The following RUFY3 variants were observed in gnomAD, a reference collection of about 807,000 sequenced individuals.
The protein encoded by RUFY3 is RUN and FYVE domain containing 3.
In RUFY3, 34 loss-of-function variants were observed where a neutral mutation model predicts 84.0. The observed-to-expected ratio is 0.40, with a 90% confidence interval of 0.31 to 0.54. The LOEUF is 0.54. Among genes scored for constraint, RUFY3 ranks in the 20% least tolerant of loss-of-function variants. RUFY3 has a pLI of 0.39. For missense variants in RUFY3, 507 were observed against 736.8 expected (o/e 0.69, Z 3.61); for synonymous variants, 242 against 252.9 (o/e 0.96, Z 0.41).
intron 11 of RUFY3, among the ~76,000 whole-genome samples, 197 bp downstream of exon 11, chr4:70,789,170 C>A (rs1293785260): frequency 2.6e-5 from 4 of 152,130 alleles, no homozygotes; most frequent in African/African-American, 4.8e-5. Flanking sequence ...AAACCATGGC[C>A]ACTTTTCACA....
In RUFY3 at chr4:70,804,250, G is replaced by C; in HGVS notation, c.1651-98G>C. 3.3e-6 allele frequency: 3 copies of C among 918,390 alleles called. No individual in the cohort carries two copies. The South Asian group carries it at 4.4e-5, about 14-fold the overall frequency. The allele number at this position is 918,390 out of a possible 1,614,324, so 56.9% of individuals were successfully genotyped here. On this transcript the variant is annotated intron_variant, in intron 16 of 17. Coordinates refer to ENST00000381006, the MANE Select transcript of RUFY3 (RefSeq NM_001037442.4). Reference sequence around the variant, plus strand: ...TGGTTTAGTTTCCAGATAGTCTATAGTGTGATTATATTAATATTGTAGGTA... The same window carrying C: ...TGGTTTAGTTTCCAGATAGTCTATACTGTGATTATATTAATATTGTAGGTA...
intron 10 of RUFY3, 111 bp from the exon 11 acceptor site, chr4:70,788,695 G>A: frequency 8.8e-7 from 1 of 1,131,048 alleles, no homozygotes; most frequent in Admixed American, 2.7e-5. Context: ...AAGCTATTTT[G>A]CCAGAATATT....
At chr4:70,734,498 C>G in intron 1 of RUFY3, 15 of 985,360 alleles carry the variant, frequency 1.5e-5, no homozygotes, top group Non-Finnish European at 1.7e-5. Context: ...GCTTTTAATA[C>G]AGTCTCAGAA....
chr4:70,744,230 A>C (rs933423484), intron 1 of RUFY3, among the ~76,000 whole-genome samples: 1 of 151,872 alleles, frequency 6.6e-6, no homozygotes. Flanking sequence ...ACGAGGTATC[A>C]CTCTGTTGCC....
At chr4:70,744,536 G>A (rs1300095490) in intron 1 of RUFY3, among the ~76,000 whole-genome samples, 1 of 152,000 alleles carries the variant, frequency 6.6e-6, no homozygotes, top group Non-Finnish European at 1.5e-5. Flanking sequence ...TGTTAACACT[G>A]GCTTCTGGCC....
intron 15 of RUFY3, among the ~76,000 whole-genome samples, chr4:70,801,112 G>A (rs1204948658): frequency 6.7e-6 from 1 of 149,788 alleles, no homozygotes; most frequent in Non-Finnish European, 1.5e-5. Context: ...GCATTAAAAA[G>A]TGAAGGAGGT....
intron 1 of RUFY3, among the ~76,000 whole-genome samples, chr4:70,725,224 T>C (rs1050738806): frequency 1.1e-4 from 16 of 152,096 alleles, no homozygotes; most frequent in Admixed American, 6.6e-5. Context: ...GGACCTAGAG[T>C]TTCTGCCTAC....
intron 6 of RUFY3, among the ~76,000 whole-genome samples, chr4:70,774,375 G>A (rs868647750): frequency 6.6e-6 from 1 of 150,716 alleles, no homozygotes; most frequent in Admixed American, 6.6e-5. Context: ...TTGGGAGGCC[G>A]AGGCAGGCAG....
rs111880951 is a variant in RUFY3, at chr4:70,768,437, A to T, written c.573-101A>T. 8 of 1,070,246 alleles carry T rather than the reference A, an allele frequency of 7.5e-6. No homozygotes were observed. In the African/African-American group the frequency reaches 7.9e-5, roughly 11 times the overall value. 66.3% of individuals were successfully genotyped at this position (1,070,246 alleles called of 1,614,324 possible). On this transcript the variant is annotated intron_variant, in intron 4 of 17. Transcript: ENST00000381006. ...TTTTTGTAGATGGCTATAATCAACCATGATGACTATGATTCAACCATGAAT... is the reference window on the plus strand; with the variant it reads ...TTTTTGTAGATGGCTATAATCAACCTTGATGACTATGATTCAACCATGAAT...
intron 12 of RUFY3, 170 bp downstream of exon 12, chr4:70,789,762 C>A: frequency 1.6e-6 from 2 of 1,252,006 alleles, no homozygotes; most frequent in South Asian, 2.1e-5. Flanking sequence ...TAAGGTATGA[C>A]TGAAATGTTT....
chr4:70,705,222 G>T lies in RUFY3; in HGVS notation c.286G>T (p.Gly96Cys), dbSNP rs973355515. The change falls in exon 1 of 12, where the codon GGC (glycine) becomes TGC (cysteine). Residue 96 changes from glycine to cysteine, a missense_variant. By Grantham distance (159) the Gly-to-Cys change is radical. Coordinates refer to the RUFY3 transcript ENST00000417478. ...CTCCTGGAGGACCCCGCCGTCCCCCGGCTCACCGCTGCCCTTCCTGCTGCT... is the reference window on the plus strand; with the variant it reads ...CTCCTGGAGGACCCCGCCGTCCCCCTGCTCACCGCTGCCCTTCCTGCTGCT... The T allele has an allele frequency of 3.4e-6, 5 of 1,461,208 alleles. No individual in the cohort carries two copies. In the African/African-American group the frequency reaches 7.4e-5, roughly 21 times the overall value. 90.5% of individuals were successfully genotyped at this position (1,461,208 alleles called of 1,614,324 possible).
intron 1 of RUFY3, among the ~76,000 whole-genome samples, chr4:70,724,516 A>G (rs1717903738): frequency 6.6e-6 from 1 of 152,196 alleles, no homozygotes; most frequent in Non-Finnish European, 1.5e-5. Flanking sequence ...TTCATAGAGA[A>G]ATCTGTAGCA....
At chr4:70,731,081 A>G (rs577766767) in intron 1 of RUFY3, among the ~76,000 whole-genome samples, 11 of 144,700 alleles carry the variant, frequency 7.6e-5, no homozygotes, top group African/African-American at 2.3e-4. Context: ...GCTCTTGTCC[A>G]GGCTGGAGTG....
chr4:70,732,951 C>T (rs943961867), intron 1 of RUFY3, among the ~76,000 whole-genome samples: 5 of 151,718 alleles, frequency 3.3e-5, no homozygotes, highest in South Asian at 2.1e-4. Context: ...CCTGTAATCC[C>T]AGCTATGTGG....
At chr4:70,745,502 C>T (rs1722056917) in intron 1 of RUFY3, among the ~76,000 whole-genome samples, 2 of 152,152 alleles carry the variant, frequency 1.3e-5, no homozygotes, top group African/African-American at 4.8e-5. Flanking sequence ...GGATTTCTGT[C>T]TGTACTCATT....
intron 1 of RUFY3, among the ~76,000 whole-genome samples, chr4:70,731,099 G>A (rs1429182219): frequency 6.6e-6 from 1 of 150,530 alleles, no homozygotes; most frequent in Non-Finnish European, 1.5e-5. Context: ...GTGCAGCTGC[G>A]CGATTTCGGC....
At chr4:70,769,236 G>A (rs1726526813) in intron 5 of RUFY3, among the ~76,000 whole-genome samples, 1 of 152,032 alleles carries the variant, frequency 6.6e-6, no homozygotes, top group Non-Finnish European at 1.5e-5. Context: ...TGAGGCAGGA[G>A]GATCACTTAA....
chr4:70,792,147 A>G (rs2148802965), intron 12 of RUFY3: 1 of 984,638 alleles, frequency 1.0e-6, no homozygotes, highest in South Asian at 4.7e-5. Flanking sequence ...ATGATGCAGT[A>G]CCCATTTTTC....
Position 70,808,271 on chromosome 4 carries a change from G to GTACT in RUFY3, c.*1620_*1623dup, listed in dbSNP as rs933221824. Among the ~76,000 whole-genome samples, 2 of 151,964 alleles carry GTACT rather than the reference G, an allele frequency of 1.3e-5. No individual in the cohort carries two copies. The highest frequency in any genetic ancestry group is 2.4e-5 in the African/African-American group (1 of 41,302). On this transcript the variant is annotated 3_prime_UTR_variant, in exon 18 of 18. Coordinates refer to ENST00000381006, the MANE Select transcript of RUFY3 (RefSeq NM_001037442.4). ...AACCCATGGATATGGAGGGCTGACT[G>GTACT]TACTTACTTACATATCTATCTATCT...
Sources: gnomAD v4.1 joint callset for allele counts (sites outside exome capture counted in the v4.1 genomes callset) on GRCh38, gnomAD v4.1.1 for gene constraint, MANE v1.5 for transcripts, NCBI Gene and HGNC (gene_info 2026-07-23, HGNC 2026-07-21) for gene names.